The following TAF3 variants were observed in gnomAD, a reference collection of about 807,000 sequenced individuals.
TAF3 encodes TATA-box binding protein associated factor 3, also known as transcription initiation factor TFIID subunit 3.
TAF3 carries 7 observed loss-of-function variants against 80.6 expected under a neutral mutation model. That is an observed-to-expected ratio of 0.09 (90% CI 0.05 to 0.16). The LOEUF (loss-of-function observed/expected upper bound fraction) is 0.16, where lower values mean the gene tolerates loss of function less well. Among genes scored for constraint, TAF3 ranks in the 10% least tolerant of loss-of-function variants. TAF3 has a pLI of 1.00. For missense variants in TAF3, 921 were observed against 1,140.2 expected (o/e 0.81, Z 2.77); for synonymous variants, 444 against 446.1 (o/e 1.00, Z 0.06).
intron 2 of TAF3, among the ~76,000 whole-genome samples, chr10:7,936,094 G>A (rs368543659): frequency 6.6e-6 from 1 of 152,070 alleles, no homozygotes; most frequent in Non-Finnish European, 1.5e-5. Flanking sequence ...GAGAGAAGAC[G>A]TGACTCTAAC....
chr10:7,865,603 C>T (rs1441343689), intron 2 of TAF3, among the ~76,000 whole-genome samples: 3 of 152,206 alleles, frequency 2.0e-5, no homozygotes, highest in Admixed American at 6.5e-5. Context: ...AACAGGCCTG[C>T]GTGTCGCTGG....
At chr10:7,937,731 C>G (rs1040066612) in intron 2 of TAF3, among the ~76,000 whole-genome samples, 2 of 152,232 alleles carry the variant, frequency 1.3e-5, no homozygotes, top group African/African-American at 4.8e-5. Flanking sequence ...GTAATAGTCA[C>G]AGCACCTAAC....
chr10:7,981,034 A>T (rs1426953689), intron 4 of TAF3, among the ~76,000 whole-genome samples: 5 of 152,112 alleles, frequency 3.3e-5, no homozygotes, highest in African/African-American at 1.2e-4. Flanking sequence ...GTCAAGAAAG[A>T]CTTGGCAGAA....
chr10:7,929,727 A>G (rs1439992794), intron 2 of TAF3, among the ~76,000 whole-genome samples: 1 of 152,200 alleles, frequency 6.6e-6, no homozygotes, highest in Non-Finnish European at 1.5e-5. Flanking sequence ...ACATTATTTA[A>G]TCAACATTAC....
intron 2 of TAF3, among the ~76,000 whole-genome samples, chr10:7,916,664 T>A (rs1837714505): frequency 6.6e-6 from 1 of 152,148 alleles, no homozygotes; most frequent in Non-Finnish European, 1.5e-5. Context: ...ATTTTGTAGA[T>A]CAAATCCCGG....
Position 8,009,166 on chromosome 10 carries a change from GC to G in TAF3, c.2409del (p.Gly804AlafsTer45). ...PKTPPPAPAPAPGPMLVSPAP... is the reference protein window; with the variant it reads ...PKTPPPAPAPXPGPMLVSPAP... ...GACCCCACCGCCGGCCCCCGCGCCC[GC>G]CCCCGGCCCCATGCTCGTCAGCCCT... On this transcript the variant is annotated frameshift_variant, in exon 5 of 7. Transcript: ENST00000344293. LOFTEE classifies it high-confidence loss of function. The surrounding 1 kb of genome is among the most constrained non-coding windows in gnomAD (Gnocchi z 4.1). 1.3e-6 allele frequency: 2 copies of G among 1,535,010 alleles called. No individual in the cohort carries two copies.
chr10:7,844,378 C>CTTTTTTTTTTT (rs370650612), intron 2 of TAF3, among the ~76,000 whole-genome samples: 1 of 134,320 alleles, frequency 7.4e-6, no homozygotes, highest in Non-Finnish European at 1.6e-5. Flanking sequence ...TCTTCTTGTT[C>CTTTTTTTTTTT]TTTTTTTTTT....
chr10:7,889,113 G>A (rs1014515472), intron 2 of TAF3, among the ~76,000 whole-genome samples: 1 of 152,114 alleles, frequency 6.6e-6, no homozygotes, highest in Non-Finnish European at 1.5e-5. Context: ...CCTTGTGGAC[G>A]TCGACATTAC....
intron 2 of TAF3, among the ~76,000 whole-genome samples, chr10:7,887,770 G>A (rs1208904508): frequency 6.6e-6 from 1 of 151,696 alleles, no homozygotes; most frequent in Non-Finnish European, 1.5e-5. Context: ...AAGATCCCTG[G>A]TTATACCTTT....
At chr10:7,948,272 T>TA (rs1039359690) in intron 2 of TAF3, among the ~76,000 whole-genome samples, 2 of 150,976 alleles carry the variant, frequency 1.3e-5, no homozygotes, top group African/African-American at 4.9e-5. Flanking sequence ...TTTTTTTTTT[T>TA]AGAGACAAGA....
intron 2 of TAF3, among the ~76,000 whole-genome samples, chr10:7,826,090 G>A (rs1836738121): frequency 6.6e-6 from 1 of 152,192 alleles, no homozygotes; most frequent in Admixed American, 6.5e-5. Flanking sequence ...TTGTTGTACA[G>A]TCTGTGTGTC....
intron 2 of TAF3, among the ~76,000 whole-genome samples, chr10:7,869,513 C>T (rs985780882): frequency 6.6e-6 from 1 of 151,504 alleles, no homozygotes; most frequent in African/African-American, 2.4e-5. Flanking sequence ...CATGAATTTA[C>T]ATAGTTCCCT....
At chr10:7,891,318 A>C (rs11255426) in intron 2 of TAF3, among the ~76,000 whole-genome samples, 1 of 152,012 alleles carries the variant, frequency 6.6e-6, no homozygotes, top group African/African-American at 2.4e-5. Flanking sequence ...ATTAAGGTGT[A>C]CATAGTAAAA....
At chr10:7,972,574 T>C (rs1417882821) in intron 3 of TAF3, among the ~76,000 whole-genome samples, 1 of 152,208 alleles carries the variant, frequency 6.6e-6, no homozygotes, top group African/African-American at 2.4e-5. Context: ...AGATAGCAGG[T>C]TGTGAATCAT....
At chr10:7,878,810 C>A (rs761177489) in intron 2 of TAF3, among the ~76,000 whole-genome samples, 5 of 151,958 alleles carry the variant, frequency 3.3e-5, no homozygotes, top group Non-Finnish European at 5.9e-5. Context: ...CTCACTGCAA[C>A]CTTTGCCTCT....
intron 2 of TAF3, among the ~76,000 whole-genome samples, chr10:7,864,209 T>C (rs1216655308): frequency 6.6e-6 from 1 of 152,216 alleles, no homozygotes; most frequent in African/African-American, 2.4e-5. Flanking sequence ...TTTCACTGCC[T>C]TAGAATTTTT....
chr10:7,970,292 G>A (rs1299657651), intron 3 of TAF3, among the ~76,000 whole-genome samples: 1 of 152,226 alleles, frequency 6.6e-6, no homozygotes, highest in Non-Finnish European at 1.5e-5. Context: ...AACAGTGTTA[G>A]CATCTACCAC....
rs1836701246 is a variant in TAF3, at chr10:7,822,627, A to G, written c.167-1691A>G. ...TGAATATCCTTCCAGAGGTTTCTGT[A>G]TGCATTACTACACATGCGTCCAATT... On this transcript the variant is annotated intron_variant, in intron 1 of 6. Transcript: ENST00000344293. Among the ~76,000 whole-genome samples, 2 of 152,182 alleles carry G rather than the reference A, an allele frequency of 1.3e-5. 1 individual carries two copies. Among genetic ancestry groups the G allele is most frequent in the Admixed American group, 1.3e-4 (2 of 15,272 alleles).
intron 3 of TAF3, among the ~76,000 whole-genome samples, chr10:7,966,045 T>G (rs1831567878): frequency 6.6e-6 from 1 of 152,234 alleles, no homozygotes; most frequent in African/African-American, 2.4e-5. Flanking sequence ...TCTGGGTTCT[T>G]AAATTGTGAA....
Sources: gnomAD v4.1 joint callset for allele counts (sites outside exome capture counted in the v4.1 genomes callset) on GRCh38, gnomAD v4.1.1 for gene constraint, Gnocchi (gnomAD v3.1) non-coding constraint, MANE v1.5 for transcripts, NCBI Gene and HGNC (gene_info 2026-07-23, HGNC 2026-07-21) for gene names.